Variants in UBQLN1 observed in about 807,000 individuals in gnomAD.
UBQLN1 encodes ubiquilin 1.
A neutral mutation model predicts 65.4 loss-of-function variants in UBQLN1; 13 were observed. That is an observed-to-expected ratio of 0.20 (90% CI 0.13 to 0.32). The LOEUF is 0.32. UBQLN1 is among the 10% of genes least tolerant of loss of function. The probability of loss-of-function intolerance (pLI) is 1.00; values close to 1 mark genes in which losing one functional copy is unlikely to be tolerated. For synonymous variants in UBQLN1, 267 were observed against 247.8 expected (o/e 1.08, Z -0.73); for missense variants, 561 against 724.0 (o/e 0.77, Z 2.58).
At chr9:83,668,968 G>T in intron 7 of UBQLN1, 2 of 490,972 alleles carry the variant, frequency 4.1e-6, no homozygotes, top group South Asian at 7.5e-5. Context: ...CTTCTTTCTA[G>T]TCAATGAATG....
At chr9:83,687,049 T>G (rs1832052590) in intron 1 of UBQLN1, among the ~76,000 whole-genome samples, 1 of 151,966 alleles carries the variant, frequency 6.6e-6, no homozygotes. Context: ...ACTTACTTTA[T>G]TCAATATTTA....
intron 1 of UBQLN1, among the ~76,000 whole-genome samples, chr9:83,694,995 T>C (rs1039007320): frequency 4.6e-5 from 7 of 152,200 alleles, no homozygotes; most frequent in African/African-American, 1.7e-4. Context: ...TAATAAGTAA[T>C]AGTCTAATGA....
At chr9:83,670,994 T>C (rs1831720380) in intron 6 of UBQLN1, among the ~76,000 whole-genome samples, 1 of 152,152 alleles carries the variant, frequency 6.6e-6, no homozygotes, top group Non-Finnish European at 1.5e-5. Flanking sequence ...GGAGTCTCGC[T>C]TTTGTCACCC....
chr9:83,701,184 A>G (rs1199838739), intron 1 of UBQLN1, among the ~76,000 whole-genome samples: 1 of 152,184 alleles, frequency 6.6e-6, no homozygotes, highest in African/African-American at 2.4e-5. Context: ...TTAAAACTGA[A>G]TAACCTTTAA....
intron 4 of UBQLN1, among the ~76,000 whole-genome samples, chr9:83,679,013 G>A (rs897444778): frequency 8.6e-5 from 13 of 152,010 alleles, no homozygotes; most frequent in Admixed American, 4.6e-4. Flanking sequence ...GAGCCACCGC[G>A]CCCGGCCAGG....
intron 1 of UBQLN1, among the ~76,000 whole-genome samples, chr9:83,699,611 T>C (rs1037532647): frequency 1.3e-5 from 2 of 152,152 alleles, no homozygotes; most frequent in African/African-American, 4.8e-5. Context: ...CCGCAAAGTG[T>C]TGGGATTACA....
intron 10 of UBQLN1, 102 bp downstream of exon 10, chr9:83,663,773 A>G: frequency 7.8e-7 from 1 of 1,275,680 alleles, no homozygotes; most frequent in East Asian, 2.4e-5. Flanking sequence ...TAAACACCTA[A>G]GAACTACTGC....
chr9:83,664,875 C>T (rs747975865), intron 9 of UBQLN1, among the ~76,000 whole-genome samples, 155 bp downstream of exon 9: 8 of 148,814 alleles, frequency 5.4e-5, no homozygotes, highest in East Asian at 2.0e-4. Context: ...GCCACAACTG[C>T]GCCCCCACAC....
chr9:83,678,024 T>A, intron 5 of UBQLN1, 63 bp from the exon 6 acceptor site: 1 of 469,824 alleles, frequency 2.1e-6, no homozygotes, highest in Non-Finnish European at 2.7e-6. Context: ...GATATGAAAC[T>A]TTTTTTTTTT....
rs1471415720 is a variant in UBQLN1 at position 83,662,267 on chromosome 9, T to TATACACACAC, written c.1618-329_1618-328insGTGTGTGTAT. Among the ~76,000 whole-genome samples the TATACACACAC allele has an allele frequency of 7.7e-5, 10 of 129,084 alleles. No homozygotes were observed. In the South Asian group the frequency reaches 2.3e-3, roughly 30 times the overall value. The allele number at this position is 129,084 out of a possible 152,430, so 84.7% of individuals were successfully genotyped here. On this transcript the variant is annotated intron_variant, in intron 10 of 10. Coordinates refer to ENST00000376395, the MANE Select transcript of UBQLN1 (RefSeq NM_013438.5). ...CTGTATGTGTGTGTGTATATACATA[T>TATACACACAC]ACATATACACACACACACACACACA...
chr9:83,693,567 TAA>T (rs1475589176), intron 1 of UBQLN1, among the ~76,000 whole-genome samples: 1 of 152,252 alleles, frequency 6.6e-6, no homozygotes, highest in Non-Finnish European at 1.5e-5. Flanking sequence ...AGCAAATAAT[TAA>T]GAGAAGTTAG....
chr9:83,673,295 T>A (rs1297536173), intron 6 of UBQLN1, among the ~76,000 whole-genome samples: 1 of 150,384 alleles, frequency 6.6e-6, no homozygotes. Flanking sequence ...TCCTAGCACT[T>A]TGGGAGGCCA....
At chr9:83,697,733 C>CCT (rs1491554521) in intron 1 of UBQLN1, among the ~76,000 whole-genome samples, 27 of 98,352 alleles carry the variant, frequency 2.7e-4, no homozygotes, top group Non-Finnish European at 3.0e-4. Flanking sequence ...TTTTTGTACC[C>CCT]TTTTTTTTTT....
intron 7 of UBQLN1, 77 bp from the exon 8 acceptor site, chr9:83,666,510 C>A: frequency 7.1e-7 from 1 of 1,413,494 alleles, no homozygotes; most frequent in Non-Finnish European, 9.9e-7. Context: ...TTCTATCTTC[C>A]CCCAAGTGCC....
Position 83,660,503 on chromosome 9 carries a change from G to C in UBQLN1, c.*1284C>G, listed in dbSNP as rs908802453. 8.5e-5 allele frequency: 13 copies of C among 152,656 alleles called. No individual in the cohort carries two copies. Among genetic ancestry groups the C allele is most frequent in the African/African-American group, 2.9e-4 (12 of 41,532 alleles). The allele number at this position is 152,656 out of a possible 1,614,324, so 9.5% of individuals were successfully genotyped here. A position where few individuals can be genotyped will look rare whatever the true frequency, so the allele number is the denominator to read the frequency against. Reference sequence around the variant, plus strand: ...ATTCTTTGGGGGAGGGAAGAAAAAGGCTATAAAACAGCCAAATGTACTCAA... The same window carrying C: ...ATTCTTTGGGGGAGGGAAGAAAAAGCCTATAAAACAGCCAAATGTACTCAA... On this transcript the variant is annotated 3_prime_UTR_variant, in exon 11 of 11. Coordinates refer to ENST00000376395, the MANE Select transcript of UBQLN1 (RefSeq NM_013438.5).
rs191905191 is a variant in UBQLN1 at position 83,685,514 on chromosome 9, G to A, written c.332+490C>T. Among the ~76,000 whole-genome samples, 29 of 152,030 alleles carry A rather than the reference G, an allele frequency of 1.9e-4. No individual in the cohort carries two copies. In the East Asian group the frequency reaches 5.0e-3, roughly 26 times the overall value. ...TACACAAAGGTATCTCTTTAAAACT[G>A]GTGGTGCCAGCTGGACACTGTGGCA... On this transcript the variant is annotated intron_variant, in intron 2 of 10. Transcript: ENST00000376395.
intron 1 of UBQLN1, among the ~76,000 whole-genome samples, chr9:83,693,916 T>C (rs1457992956): frequency 6.6e-6 from 1 of 152,240 alleles, no homozygotes; most frequent in East Asian, 1.9e-4. Flanking sequence ...TCTGCAGGGC[T>C]GATGGGAGAA....
chr9:83,680,098 C>T, intron 3 of UBQLN1, 61 bp from the exon 4 acceptor site: 3 of 1,518,668 alleles, frequency 2.0e-6, no homozygotes, highest in Non-Finnish European at 2.7e-6. Context: ...ATTAACATGA[C>T]ATAAAATATG....
At chr9:83,679,631 G>T in intron 4 of UBQLN1, 144 bp downstream of exon 4, 1 of 812,066 alleles carries the variant, frequency 1.2e-6, no homozygotes, top group Non-Finnish European at 1.8e-6. Flanking sequence ...CCAAATTAGC[G>T]CTTTGTTGAG....
Sources: allele counts gnomAD v4.1 joint callset (sites outside exome capture counted in the v4.1 genomes callset), GRCh38; gene constraint gnomAD v4.1.1; transcripts MANE v1.5; gene names NCBI Gene and HGNC (gene_info 2026-07-23, HGNC 2026-07-21).